NTRK2: variants seen among roughly 807,000 people sequenced by gnomAD.
NTRK2 encodes the protein BDNF/NT-3 growth factors receptor.
In NTRK2, 13 loss-of-function variants were observed where a neutral mutation model predicts 94.5. The observed-to-expected ratio is 0.14, with a 90% CI of 0.09 to 0.22. The LOEUF (loss-of-function observed/expected upper bound fraction) is 0.22. NTRK2 is among the 10% of genes least tolerant of loss of function. The pLI, the probability that NTRK2 is intolerant of heterozygous loss-of-function variation, is 1.00. For missense variants in NTRK2, 639 were observed against 1,071.2 expected, an observed-to-expected ratio of 0.60 and a Z score of 5.63; for synonymous variants, 372 against 407.4, an observed-to-expected ratio of 0.91 and a Z score of 1.05.
intron 14 of NTRK2, among the ~76,000 whole-genome samples, chr9:84,895,113 G>A (rs2076720851): frequency 6.6e-6 from 1 of 152,170 alleles, no homozygotes; most frequent in Non-Finnish European, 1.5e-5. Context: ...AGAAACAAAA[G>A]CACAGGAGGC....
intron 14 of NTRK2, among the ~76,000 whole-genome samples, chr9:84,926,165 C>CTTGCTTTCTTT (rs2077786173): frequency 5.4e-4 from 26 of 48,382 alleles, no homozygotes; most frequent in African/African-American, 1.4e-3. Context: ...TTCCTTCCTT[C>CTTGCTTTCTTT]CTTCCTTTCT....
chr9:84,755,475 G>T (rs1022516450), intron 12 of NTRK2, among the ~76,000 whole-genome samples: 10 of 146,074 alleles, frequency 6.8e-5, no homozygotes, highest in African/African-American at 2.5e-4. Context: ...AGTGACTAAA[G>T]AGAGAACCTG....
rs1265661428 is a variant in NTRK2 at position 85,021,330 on chromosome 9, G to T, written c.2410G>T (p.Gly804Trp). The change falls in exon 19 of 19, where the codon GGG becomes TGG. Residue 804 changes from glycine to tryptophan, a missense_variant. Coordinates refer to ENST00000277120, the MANE Select transcript of NTRK2 (RefSeq NM_006180.6). The part of the protein sequence containing the change: ...CPQEVYELML[G>W]CWQREPHMRK... ...CCAGGAGGTGTATGAGCTGATGCTG[G>T]GGTGCTGGCAGCGAGAGCCCCACAT... 1 of 1,614,128 alleles carries T rather than the reference G, an allele frequency of 6.2e-7. No homozygotes were observed. Among genetic ancestry groups the T allele is most frequent in the Non-Finnish European group, 8.5e-7 (1 of 1,180,012 alleles).
intron 17 of NTRK2, among the ~76,000 whole-genome samples, chr9:85,014,476 T>C (rs1832003243): frequency 6.6e-6 from 1 of 152,240 alleles, no homozygotes; most frequent in African/African-American, 2.4e-5. Context: ...TACCATTTGG[T>C]CGCCAATTCA....
Position 84,670,817 on chromosome 9 carries a change from G to A in NTRK2, c.69G>A (p.Val23=), listed in dbSNP as rs1454418060. The A allele has an allele frequency of 6.2e-7, 1 of 1,614,000 alleles. No individual in the cohort carries two copies. The highest frequency in any genetic ancestry group is 8.5e-7 in the Non-Finnish European group (1 of 1,180,044). Residue 23 remains valine (V), a synonymous_variant, in exon 2 of 19, where the codon GTG becomes GTA. Coordinates refer to ENST00000277120, the MANE Select transcript of NTRK2 (RefSeq NM_006180.6). ...ARLWGFCWLV[V]GFWRAAFACP... is the part of the protein sequence containing the mutation. Reference sequence around the variant, plus strand: ...TCTGGGGCTTCTGCTGGCTGGTTGTGGGCTTCTGGAGGGCCGCTTTCGCCT... The same window carrying A: ...TCTGGGGCTTCTGCTGGCTGGTTGTAGGCTTCTGGAGGGCCGCTTTCGCCT...
At chr9:84,854,960 A>G (rs2074990791) in intron 12 of NTRK2, among the ~76,000 whole-genome samples, 2 of 151,008 alleles carry the variant, frequency 1.3e-5, no homozygotes. Flanking sequence ...AAAAAAAAAA[A>G]AAAAAAAAAA....
At chr9:84,910,398 T>C (rs570479442) in intron 14 of NTRK2, among the ~76,000 whole-genome samples, 75 of 152,308 alleles carry the variant, frequency 4.9e-4, no homozygotes, top group Non-Finnish European at 9.0e-4. Flanking sequence ...TGGTGTTTCT[T>C]GGCTTATAGA....
intron 2 of NTRK2, among the ~76,000 whole-genome samples, chr9:84,692,928 A>G (rs1395300885): frequency 6.6e-6 from 1 of 152,206 alleles, no homozygotes. Context: ...CAGGTGTCAT[A>G]AAATCTTTCC....
chr9:84,978,855 G>A (rs1827233523), intron 17 of NTRK2, among the ~76,000 whole-genome samples: 1 of 152,168 alleles, frequency 6.6e-6, no homozygotes, highest in Non-Finnish European at 1.5e-5. Flanking sequence ...GGGCCTTTAA[G>A]CATTATGCTA....
At chr9:84,947,255 C>T (rs59730045) in intron 15 of NTRK2, among the ~76,000 whole-genome samples, 7,825 of 152,298 alleles carry the variant, frequency 0.051, 279 homozygotes, top group Admixed American at 0.12. Context: ...TGTACCCGGT[C>T]TCTCTTTGCT....
chr9:84,848,752 A>C (rs907721445), intron 12 of NTRK2, among the ~76,000 whole-genome samples: 5 of 152,218 alleles, frequency 3.3e-5, no homozygotes, highest in African/African-American at 1.2e-4. Context: ...GCACGAAAAA[A>C]ATCAAATTTT....
At chr9:84,960,584 T>A (rs76516857) in intron 17 of NTRK2, among the ~76,000 whole-genome samples, 1 of 152,164 alleles carries the variant, frequency 6.6e-6, no homozygotes, top group African/African-American at 2.4e-5. Flanking sequence ...GATAGACTCA[T>A]CCCACAGATG....
At position 84,674,253 on chromosome 9, in the gene NTRK2, G is replaced by T. The variant is rs147950436; in HGVS notation, c.212+3293G>T. ...GAAGACTAATAGGGATCTTTTTTTT[G>T]AATTTCTCCAGTGGTATTCTCTGAT... On this transcript the variant is annotated intron_variant, in intron 2 of 18. Transcript: ENST00000277120. 4.3e-3 allele frequency among the ~76,000 whole-genome samples: 652 copies of T among 151,754 alleles called. 4 individuals are homozygous for T. The highest frequency in any genetic ancestry group is 0.015 in the African/African-American group (632 of 41,418).
intron 4 of NTRK2, among the ~76,000 whole-genome samples, chr9:84,706,530 T>TG (rs1361937481): frequency 3.4e-5 from 4 of 119,246 alleles, no homozygotes; most frequent in African/African-American, 6.3e-5. Flanking sequence ...TGTTTTTGTT[T>TG]TTTTTTTTTT....
chr9:84,959,335 G>A (rs1588049418), intron 17 of NTRK2, among the ~76,000 whole-genome samples: 2 of 152,120 alleles, frequency 1.3e-5, no homozygotes, highest in South Asian at 4.1e-4. Context: ...GCTATCTTAT[G>A]TGGAAGAATG....
intron 17 of NTRK2, among the ~76,000 whole-genome samples, chr9:85,002,765 A>C (rs1830464959): frequency 6.6e-6 from 1 of 152,228 alleles, no homozygotes; most frequent in South Asian, 2.1e-4. Context: ...CTGACCCCTG[A>C]AGCAAAGAGG....
chr9:84,727,498 T>A (rs1446046732), intron 8 of NTRK2, among the ~76,000 whole-genome samples, 156 bp from the exon 9 acceptor site: 1 of 152,184 alleles, frequency 6.6e-6, no homozygotes, highest in Non-Finnish European at 1.5e-5. Flanking sequence ...ACCCTGATGA[T>A]GATACAAAAT....
At chr9:84,944,211 T>TCACACACACACACACACA (rs1226529948) in intron 15 of NTRK2, among the ~76,000 whole-genome samples, 7 of 139,034 alleles carry the variant, frequency 5.0e-5, no homozygotes, top group African/African-American at 2.0e-4. Context: ...TCTCTCTCTC[T>TCACACACACACACACACA]CTCTCACACA....
intron 12 of NTRK2, among the ~76,000 whole-genome samples, chr9:84,855,075 G>T (rs2074998805): frequency 6.6e-6 from 1 of 152,112 alleles, no homozygotes; most frequent in Non-Finnish European, 1.5e-5. Context: ...AGGCAGGGAG[G>T]GGGAAGACCG....
Sources: allele counts gnomAD v4.1 joint callset (sites outside exome capture counted in the v4.1 genomes callset), GRCh38; gene constraint gnomAD v4.1.1; transcripts MANE v1.5; gene names NCBI Gene and HGNC (gene_info 2026-07-23, HGNC 2026-07-21).